NPIPB11: variants seen among roughly 807,000 people sequenced by gnomAD.
The protein encoded by NPIPB11 is nuclear pore complex-interacting protein family member B11.
A neutral mutation model predicts 32.8 loss-of-function variants in NPIPB11; 17 were observed. That is an observed-to-expected ratio of 0.52 (90% CI 0.35 to 0.78). The LOEUF (loss-of-function observed/expected upper bound fraction) is 0.78. Ranked by LOEUF, NPIPB11 falls within the 30% of genes least tolerant of loss-of-function variation. NPIPB11 has a pLI of 0.01. For synonymous variants in NPIPB11, 209 were observed against 398.4 expected (o/e 0.52, Z 5.66); for missense variants, 537 against 1,000.4 (o/e 0.54, Z 6.25).
At chr16:29,397,912 GT>G (rs1963902397) in intron 2 of NPIPB11, among the ~76,000 whole-genome samples, 1 of 85,750 alleles carries the variant, frequency 1.2e-5, no homozygotes, top group Admixed American at 1.1e-4. Flanking sequence ...CTGGTGGAAG[GT>G]TTAGCTACAG....
chr16:29,401,915 T>C (rs1017020115), intron 2 of NPIPB11, among the ~76,000 whole-genome samples: 29 of 150,916 alleles, frequency 1.9e-4, no homozygotes, highest in Admixed American at 1.9e-3. Flanking sequence ...TTTCCACCGT[T>C]TGGGGCTGTT....
chr16:29,390,428 A>T (rs1963688970), intron 3 of NPIPB11, 80 bp from the exon 4 acceptor site: 1 of 1,593,782 alleles, frequency 6.3e-7, no homozygotes, highest in Non-Finnish European at 8.5e-7. Context: ...AAGCTGAGGC[A>T]GGTGGATCAC....
chr16:29,399,216 C>T (rs1360373924), intron 2 of NPIPB11, among the ~76,000 whole-genome samples: 1 of 152,190 alleles, frequency 6.6e-6, no homozygotes, highest in East Asian at 1.9e-4. Context: ...CACAGGGCTT[C>T]TGCCCGATCA....
intron 5 of NPIPB11, among the ~76,000 whole-genome samples, chr16:29,389,194 CAAA>C (rs1166217249): frequency 2.0e-5 from 1 of 50,350 alleles, no homozygotes. Flanking sequence ...GACTCTGTCT[CAAA>C]AAAAAAAAAA....
Position 29,393,715 on chromosome 16 carries a change from C to G in NPIPB11, c.249+233G>C, listed in dbSNP as rs546168560. Among the ~76,000 whole-genome samples, 4 of 152,146 alleles carry G rather than the reference C, an allele frequency of 2.6e-5. No homozygotes were observed. The South Asian group carries it at 8.3e-4, about 32-fold the overall frequency. Reference sequence around the variant, plus strand: ...ATAAATAGCACAAAGGTTAAAAAAACTTATTTTTGACCAAAAGCTCTGTTG... The same window carrying G: ...ATAAATAGCACAAAGGTTAAAAAAAGTTATTTTTGACCAAAAGCTCTGTTG... On this transcript the variant is annotated intron_variant, in intron 3 of 7. Coordinates refer to ENST00000524087, the Ensembl canonical transcript of NPIPB11.
chr16:29,389,669 A>G (rs1414095448), intron 5 of NPIPB11, among the ~76,000 whole-genome samples: 5 of 30,444 alleles, frequency 1.6e-4, no homozygotes, highest in East Asian at 1.8e-3. Flanking sequence ...CCATCTCAGG[A>G]AAAAAAAAAA....
In NPIPB11 at chr16:29,394,170, C is replaced by G. The variant is rs1963792372; in HGVS notation, c.121-94G>C. ...ATCCTTAGAAACCGTCAACCTCCTCCAAAAGGTAACCACATCCCTCAGATA... is the reference window on the plus strand; with the variant it reads ...ATCCTTAGAAACCGTCAACCTCCTCGAAAAGGTAACCACATCCCTCAGATA... On this transcript the variant is annotated intron_variant, in intron 2 of 7. Transcript: ENST00000524087. The G allele has an allele frequency of 5.1e-6, 7 of 1,359,590 alleles. No homozygotes were observed. The Admixed American group carries it at 7.9e-5, about 15-fold the overall frequency. The allele number at this position is 1,359,590 out of a possible 1,614,324, so 84.2% of individuals were successfully genotyped here. A position where few individuals can be genotyped will look rare whatever the true frequency, so the allele number is the denominator to read the frequency against.
intron 2 of NPIPB11, chr16:29,397,593 T>C (rs1165752172): frequency 7.9e-6 from 12 of 1,512,504 alleles, no homozygotes; most frequent in Non-Finnish European, 8.1e-6. Flanking sequence ...GCTGATAAAT[T>C]CCAGCAGGAG....
chr16:29,394,769 G>A (rs1482445755), intron 2 of NPIPB11, among the ~76,000 whole-genome samples: 1 of 146,488 alleles, frequency 6.8e-6, no homozygotes, highest in Non-Finnish European at 1.5e-5. Context: ...TTTTTGAGAT[G>A]GGGTCTCACT....
chr16:29,389,596 C>G (rs1410249481), intron 5 of NPIPB11, among the ~76,000 whole-genome samples: 154 of 139,658 alleles, frequency 1.1e-3, no homozygotes, highest in Non-Finnish European at 1.7e-3. Context: ...ATTGCTTGAA[C>G]CCAAAAGGCA....
At chr16:29,404,685 G>C (rs939859518), upstream of NPIPB11, among the ~76,000 whole-genome samples, 3 of 151,690 alleles carry the variant, frequency 2.0e-5, no homozygotes, top group Non-Finnish European at 2.9e-5. Flanking sequence ...TGCCTTCTCA[G>C]TGCTCACCTA....
At chr16:29,390,877 C>A (rs1963702754) in intron 3 of NPIPB11, among the ~76,000 whole-genome samples, 1 of 147,690 alleles carries the variant, frequency 6.8e-6, no homozygotes. Context: ...GCAGGATAAT[C>A]ACTTGAACCC....
intron 2 of NPIPB11, among the ~76,000 whole-genome samples, chr16:29,394,411 T>C (rs1688887315): frequency 8.0e-6 from 1 of 125,022 alleles, no homozygotes; most frequent in South Asian, 2.7e-4. Flanking sequence ...CAATAGCTGA[T>C]GATCTAAAAA....
At chr16:29,397,204 A>G (rs1462852102) in intron 2 of NPIPB11, among the ~76,000 whole-genome samples, 4 of 151,040 alleles carry the variant, frequency 2.6e-5, no homozygotes, top group Admixed American at 6.6e-5. Flanking sequence ...CAGATGACAC[A>G]AATCAAATGA....
chr16:29,402,036 G>T (rs905895198), intron 2 of NPIPB11, among the ~76,000 whole-genome samples: 1 of 151,504 alleles, frequency 6.6e-6, no homozygotes, highest in Non-Finnish European at 1.5e-5. Context: ...TCAGACACAC[G>T]TAGGTTTCAG....
chr16:29,406,218 A>G (rs1467973020), upstream of NPIPB11, among the ~76,000 whole-genome samples: 1 of 152,252 alleles, frequency 6.6e-6, no homozygotes, highest in African/African-American at 2.4e-5. Flanking sequence ...TATTTGGTAG[A>G]TTAAATGGGC....
At chr16:29,396,373 CTGTATACGCGAAATTCCAGAATAAGCAAG>C (rs1201300858) in intron 2 of NPIPB11, among the ~76,000 whole-genome samples, 1 of 150,494 alleles carries the variant, frequency 6.6e-6, no homozygotes, top group East Asian at 1.9e-4. Context: ...TGGCATGCAT[CTGTATACGCGAAATTCCAGAATAAGCAAG>C]CTAACCTATG....
intron 5 of NPIPB11, among the ~76,000 whole-genome samples, chr16:29,389,045 A>C (rs1963639004): frequency 6.6e-6 from 1 of 151,074 alleles, no homozygotes; most frequent in African/African-American, 2.4e-5. Flanking sequence ...AAATACAAAA[A>C]TTATCCGGGC....
chr16:29,390,704 C>T (rs1425425212), intron 3 of NPIPB11, among the ~76,000 whole-genome samples: 1 of 151,642 alleles, frequency 6.6e-6, no homozygotes, highest in African/African-American at 2.4e-5. Context: ...TGGCTCACTC[C>T]TGTAATCCCA....
Sources: gnomAD v4.1 joint callset for allele counts (sites outside exome capture counted in the v4.1 genomes callset) on GRCh38, gnomAD v4.1.1 for gene constraint, MANE v1.5 for transcripts, NCBI Gene and HGNC (gene_info 2026-07-23, HGNC 2026-07-21) for gene names.